Variants in EPC1 observed in about 807,000 individuals in gnomAD.
EPC1 encodes enhancer of polycomb homolog 1.
Under a neutral mutation model 98.4 loss-of-function variants are expected in EPC1, and 12 were observed. The ratio of observed to expected loss-of-function variants is 0.12; its 90% CI spans 0.08 to 0.20. The LOEUF (loss-of-function observed/expected upper bound fraction) is 0.20, where lower values mean the gene tolerates loss of function less well. Ranked by LOEUF, EPC1 falls within the 10% of genes least tolerant of loss-of-function variation. The pLI is 1.00. For missense variants in EPC1, 729 were observed against 990.5 expected, an observed-to-expected ratio of 0.74 and a Z score of 3.54; for synonymous variants, 357 against 363.9, an observed-to-expected ratio of 0.98 and a Z score of 0.21.
chr10:32,314,951 G>A (rs1316504794), intron 1 of EPC1, among the ~76,000 whole-genome samples: 4 of 152,096 alleles, frequency 2.6e-5, no homozygotes, highest in Admixed American at 2.0e-4. Context: ...CTTCTCCTAG[G>A]AAGAATTTCT....
At position 32,346,989 on chromosome 10, in the gene EPC1, C is replaced by A; in HGVS notation, c.-74G>T. The A allele has an allele frequency of 6.3e-7, 1 of 1,576,144 alleles. No homozygotes were observed. Among genetic ancestry groups the A allele is most frequent in the South Asian group, 1.1e-5 (1 of 87,584 alleles). On this transcript the variant is annotated 5_prime_UTR_variant, in exon 1 of 14. Transcript: ENST00000319778. The stretch of plus-strand genomic sequence containing the variant: ...GCGGGATCATGGAGAACCGGGGGTT[C>A]GGTCCCCACTCGCCAACCGCTGCCG...
chr10:32,285,149 C>T, intron 9 of EPC1, 99 bp from the exon 10 acceptor site: 1 of 854,396 alleles, frequency 1.2e-6, no homozygotes, highest in South Asian at 1.9e-5. Context: ...AAAAGGCCAA[C>T]TCATACTGAA....
chr10:32,268,614 G>A lies in EPC1; in HGVS notation c.*449C>T, dbSNP rs1366744890. On this transcript the variant is annotated 3_prime_UTR_variant, in exon 14 of 14. Coordinates refer to ENST00000319778, the MANE Select transcript of EPC1 (RefSeq NM_001272004.3). ...TTACTACAGCACAGGAACCAATGAA[G>A]GTACAGTGTACAAAAAACTGTAAAC... is the stretch of plus-strand genomic sequence containing the variant. 6.6e-6 allele frequency: 1 copy of A among 152,582 alleles called. No individual in the cohort carries two copies. Among genetic ancestry groups the A allele is most frequent in the Non-Finnish European group, 1.5e-5 (1 of 68,552 alleles). 9.5% of individuals were successfully genotyped at this position (152,582 alleles called of 1,614,324 possible). A position where few individuals can be genotyped will look rare whatever the true frequency, so the allele number is the denominator to read the frequency against.
chr10:32,350,829 ATAG>A (rs1335620090), upstream of EPC1, among the ~76,000 whole-genome samples: 4 of 152,176 alleles, frequency 2.6e-5, no homozygotes, highest in Non-Finnish European at 4.4e-5. Flanking sequence ...ACAGCTCTAA[ATAG>A]TAGTTTATGT....
chr10:32,346,679 G>C (rs1838845861), intron 1 of EPC1, 84 bp downstream of exon 1: 2 of 1,343,232 alleles, frequency 1.5e-6, no homozygotes, highest in Non-Finnish European at 2.1e-6. Context: ...CGGCCATTTT[G>C]TGTGGGTTTG....
At chr10:32,281,183 C>T (rs1836393755) in intron 10 of EPC1, among the ~76,000 whole-genome samples, 1 of 152,104 alleles carries the variant, frequency 6.6e-6, no homozygotes, top group Admixed American at 6.5e-5. Flanking sequence ...TACAGGCACC[C>T]ACCACCACGT....
chr10:32,310,072 G>A (rs1371511867), intron 1 of EPC1, among the ~76,000 whole-genome samples: 1 of 152,010 alleles, frequency 6.6e-6, no homozygotes, highest in East Asian at 1.9e-4. Context: ...GTGCACACCT[G>A]TAGTTTCAGC....
In EPC1 at chr10:32,277,408, C is replaced by A. The variant is rs7074117; in HGVS notation, c.1745-4127G>T. Among the ~76,000 whole-genome samples, 138 of 152,290 alleles carry A rather than the reference C, an allele frequency of 9.1e-4. 1 individual carries two copies. The highest frequency in any genetic ancestry group is 3.2e-3 in the African/African-American group (135 of 41,560). On this transcript the variant is annotated intron_variant, in intron 10 of 13. Transcript: ENST00000319778. The stretch of plus-strand genomic sequence containing the variant: ...ACCTGCAGGTTTTAATTTAAGAAGG[C>A]AGTTTTTGGTTCAATACATAGACAA...
chr10:32,294,430 A>G (rs1835021735), intron 2 of EPC1, among the ~76,000 whole-genome samples: 1 of 152,232 alleles, frequency 6.6e-6, no homozygotes, highest in South Asian at 2.1e-4. Context: ...ATTTTAAATA[A>G]TTTTGTGCGT....
At chr10:32,321,389 A>G (rs908126865) in intron 1 of EPC1, among the ~76,000 whole-genome samples, 1 of 151,764 alleles carries the variant, frequency 6.6e-6, no homozygotes. Context: ...TATATTGCCC[A>G]GGCTGGAGTG....
intron 1 of EPC1, among the ~76,000 whole-genome samples, chr10:32,306,566 G>A (rs567649994): frequency 3.4e-4 from 51 of 152,224 alleles, no homozygotes; most frequent in Non-Finnish European, 6.3e-4. Flanking sequence ...ACCCAACTCC[G>A]ATACTGAAAC....
At chr10:32,298,757 C>A (rs1432379480) in intron 2 of EPC1, among the ~76,000 whole-genome samples, 1 of 152,144 alleles carries the variant, frequency 6.6e-6, no homozygotes, top group Admixed American at 6.6e-5. Flanking sequence ...GATATAAGAT[C>A]TTTCGTACAT....
At chr10:32,272,339 T>C in intron 11 of EPC1, 172 bp from the exon 12 acceptor site, 2 of 549,184 alleles carry the variant, frequency 3.6e-6, no homozygotes, top group Non-Finnish European at 6.3e-6. Context: ...CTTTTGATAG[T>C]CATATATTTG....
At chr10:32,301,437 A>G (rs932522499) in intron 2 of EPC1, among the ~76,000 whole-genome samples, 1 of 152,242 alleles carries the variant, frequency 6.6e-6, no homozygotes. Context: ...AGTTTATTCT[A>G]AAGTTTATAT....
At chr10:32,280,110 A>G (rs1836322746) in intron 10 of EPC1, among the ~76,000 whole-genome samples, 1 of 152,222 alleles carries the variant, frequency 6.6e-6, no homozygotes. Context: ...AGTAGTTGAA[A>G]CAGACTATAA....
rs1159693460 is a variant in EPC1 at position 32,291,306 on chromosome 10, A to G, written c.832T>C (p.Tyr278His). The change falls in exon 6 of 14, where the codon TAC becomes CAC. Residue 278 changes from tyrosine (Y) to histidine (H), a missense_variant. Tyr to His is a moderately conservative substitution (Grantham distance 83, BLOSUM62 2). This residue lies in a region of EPC1 where 390 missense variants were observed against 438.6 expected (regional missense o/e 0.89). Coordinates refer to ENST00000319778, the MANE Select transcript of EPC1 (RefSeq NM_001272004.3). Reference sequence around the variant, plus strand: ...ACCTCAGACATGATCTCTCCATTGTAGTCGCCCAAATTATACCTAAAATTA... The same window carrying G: ...ACCTCAGACATGATCTCTCCATTGTGGTCGCCCAAATTATACCTAAAATTA... ...IMEKRYNLGD[Y>H]NGEIMSEVMA... The G allele has an allele frequency of 6.2e-7, 1 of 1,608,338 alleles. No individual in the cohort carries two copies. The highest frequency in any genetic ancestry group is 8.5e-7 in the Non-Finnish European group (1 of 1,177,136).
intron 1 of EPC1, among the ~76,000 whole-genome samples, chr10:32,310,799 G>A (rs775943530): frequency 2.0e-5 from 3 of 151,574 alleles, no homozygotes; most frequent in Non-Finnish European, 4.4e-5. Context: ...GTTTGAACCC[G>A]GGAGACAGAG....
intron 1 of EPC1, chr10:32,377,367 G>A (rs892073800): frequency 1.3e-5 from 2 of 152,146 alleles, no homozygotes; most frequent in Non-Finnish European, 2.9e-5. Flanking sequence ...CTAAAACTCA[G>A]ACATTTGGTT....
At position 32,293,632 on chromosome 10, in the gene EPC1, T is replaced by C; in HGVS notation, c.419A>G (p.Glu140Gly). ...TTTTTCTAGGCGGTCAATCATCTCC[T>C]CAAATTGCAATGGGCAGATGTCCAT... is the stretch of plus-strand genomic sequence containing the variant. ...KKMDICPLQF[E>G]EMIDRLEKGS... The change falls in exon 3 of 14, where the codon GAG becomes GGG. Residue 140 changes from glutamate to glycine, a missense_variant. This residue lies in a region of EPC1 where 94 missense variants were observed against 125.1 expected (regional missense o/e 0.75). Coordinates refer to ENST00000319778, the MANE Select transcript of EPC1 (RefSeq NM_001272004.3). The C allele has an allele frequency of 6.2e-7, 1 of 1,613,786 alleles. No homozygotes were observed. The highest frequency in any genetic ancestry group is 8.5e-7 in the Non-Finnish European group (1 of 1,179,846).
Sources: allele counts gnomAD v4.1 joint callset (sites outside exome capture counted in the v4.1 genomes callset), GRCh38; gene constraint gnomAD v4.1.1; regional missense constraint gnomAD v4.1.1; transcripts MANE v1.5; gene names NCBI Gene and HGNC (gene_info 2026-07-23, HGNC 2026-07-21).